Variants in DLG2 observed in about 807,000 individuals in gnomAD.
DLG2 encodes disks large homolog 2.
A neutral mutation model predicts 132.5 loss-of-function variants in DLG2; 45 were observed. That is an observed-to-expected ratio of 0.34 (90% CI 0.27 to 0.44). The LOEUF (loss-of-function observed/expected upper bound fraction) is 0.44. Ranked by LOEUF, DLG2 falls within the 20% of genes least tolerant of loss-of-function variation. The pLI is 1.00. For missense variants in DLG2, 1,045 were observed against 1,196.9 expected, an observed-to-expected ratio of 0.87 and a Z score of 1.87; for synonymous variants, 424 against 419.6, an observed-to-expected ratio of 1.01 and a Z score of -0.13.
intron 7 of DLG2, among the ~76,000 whole-genome samples, chr11:84,365,665 C>G (rs1256575908): frequency 6.6e-6 from 1 of 151,740 alleles, no homozygotes; most frequent in Non-Finnish European, 1.5e-5. Flanking sequence ...ATAAATTTCC[C>G]TCTACACACT....
At chr11:84,803,025 C>T (rs1386810529) in intron 6 of DLG2, among the ~76,000 whole-genome samples, 1 of 152,124 alleles carries the variant, frequency 6.6e-6, no homozygotes, top group Non-Finnish European at 1.5e-5. Context: ...GCCTCAATCT[C>T]CTGACCCTCG....
chr11:84,758,646 C>T (rs1180012589), intron 6 of DLG2, among the ~76,000 whole-genome samples: 3 of 152,004 alleles, frequency 2.0e-5, no homozygotes, highest in Non-Finnish European at 4.4e-5. Flanking sequence ...CCATAAATGA[C>T]CATAATATTG....
intron 3 of DLG2, among the ~76,000 whole-genome samples, chr11:85,393,451 G>T (rs1002079699): frequency 6.6e-6 from 1 of 152,032 alleles, no homozygotes; most frequent in Non-Finnish European, 1.5e-5. Context: ...ATTTGATTCA[G>T]CAATCCCACT....
intron 6 of DLG2, among the ~76,000 whole-genome samples, chr11:84,737,728 A>T (rs1313239825): frequency 1.3e-5 from 2 of 152,080 alleles, no homozygotes; most frequent in Non-Finnish European, 2.9e-5. Context: ...ATGGTGATAC[A>T]GACTAGAGAA....
intron 6 of DLG2, among the ~76,000 whole-genome samples, chr11:84,700,709 T>C (rs889144419): frequency 2.0e-5 from 3 of 151,718 alleles, no homozygotes; most frequent in Admixed American, 1.3e-4. Context: ...GTAGGAGTGT[T>C]GTCTGGATTT....
Position 85,020,999 on chromosome 11 carries a change from A to G in DLG2, c.357+90662T>C, listed in dbSNP as rs958198706. The G allele has an allele frequency of 1.4e-5, 11 of 776,740 alleles. No homozygotes were observed. In the African/African-American group the frequency reaches 1.9e-4, roughly 13 times the overall value. The allele number at this position is 776,740 out of a possible 1,614,324, so 48.1% of individuals were successfully genotyped here. On this transcript the variant is annotated intron_variant, in intron 6 of 27. Coordinates refer to ENST00000376104, the MANE Select transcript of DLG2 (RefSeq NM_001142699.3). Reference sequence around the variant, plus strand: ...TGCTGCTCTGCTCCTCTTCTGACTTATTATTCATATCTACTGCTTGTTTGT... The same window carrying G: ...TGCTGCTCTGCTCCTCTTCTGACTTGTTATTCATATCTACTGCTTGTTTGT...
chr11:83,589,941 C>T (rs1294671622), intron 19 of DLG2, among the ~76,000 whole-genome samples: 1 of 145,122 alleles, frequency 6.9e-6, no homozygotes, highest in Admixed American at 7.1e-5. Context: ...GAAGAGCTAA[C>T]TATCCTAAAT....
At chr11:83,920,615 A>G (rs546293839) in intron 15 of DLG2, among the ~76,000 whole-genome samples, 1 of 152,270 alleles carries the variant, frequency 6.6e-6, no homozygotes, top group South Asian at 2.1e-4. Context: ...CATCTCACAT[A>G]TACAAATATA....
chr11:83,496,833 T>C (rs577191673), intron 21 of DLG2, among the ~76,000 whole-genome samples: 4 of 152,310 alleles, frequency 2.6e-5, no homozygotes, highest in African/African-American at 9.6e-5. Context: ...CCCAAAACTG[T>C]ATTTCCAGCC....
intron 4 of DLG2, among the ~76,000 whole-genome samples, chr11:85,275,596 T>C (rs561904480): frequency 6.6e-6 from 1 of 152,260 alleles, no homozygotes; most frequent in South Asian, 2.1e-4. Flanking sequence ...GTGCTTTGAG[T>C]TGGATAATCA....
chr11:83,839,469 T>A (rs1478352871), intron 16 of DLG2, among the ~76,000 whole-genome samples: 1 of 152,172 alleles, frequency 6.6e-6, no homozygotes, highest in Admixed American at 6.5e-5. Flanking sequence ...TGTTAGAGGA[T>A]CAAAGCCCTT....
Position 84,600,236 on chromosome 11 carries a change from C to A in DLG2, c.358-65505G>T, listed in dbSNP as rs11234094. On this transcript the variant is annotated intron_variant, in intron 6 of 27. Coordinates refer to ENST00000376104, the MANE Select transcript of DLG2 (RefSeq NM_001142699.3). ...AGAAAGAAAGAAAGAGAAAGAAAGA[C>A]AGAAAAGCAAGCAAGCAAGCAGGCA... is the stretch of plus-strand genomic sequence containing the variant. Among the ~76,000 whole-genome samples, 436 of 131,826 alleles carry A rather than the reference C, an allele frequency of 3.3e-3. 5 individuals are homozygous for A. Among genetic ancestry groups the A allele is most frequent in the Middle Eastern group, 7.8e-3 (2 of 258 alleles). The allele number at this position is 131,826 out of a possible 152,430, so 86.5% of individuals were successfully genotyped here.
At chr11:84,243,216 A>G (rs1046852573) in intron 8 of DLG2, among the ~76,000 whole-genome samples, 1 of 152,172 alleles carries the variant, frequency 6.6e-6, no homozygotes, top group African/African-American at 2.4e-5. Flanking sequence ...CATTAGCCCT[A>G]CTGGCTACTA....
At chr11:83,915,708 G>T (rs1565623146) in intron 15 of DLG2, among the ~76,000 whole-genome samples, 1 of 152,036 alleles carries the variant, frequency 6.6e-6, no homozygotes. Context: ...TTTTAAGTAA[G>T]AATTTTAAGT....
chr11:84,365,035 T>G (rs906024665), intron 7 of DLG2, among the ~76,000 whole-genome samples: 4 of 152,104 alleles, frequency 2.6e-5, no homozygotes, highest in South Asian at 2.1e-4. Context: ...ATAAAATGAG[T>G]TAGGGAGGAT....
At chr11:84,414,985 T>G (rs1311583855) in intron 7 of DLG2, among the ~76,000 whole-genome samples, 1 of 152,180 alleles carries the variant, frequency 6.6e-6, no homozygotes, top group Admixed American at 6.6e-5. Context: ...ATCATTTATT[T>G]TATAAAAATG....
intron 3 of DLG2, among the ~76,000 whole-genome samples, chr11:85,552,007 T>C (rs1565675344): frequency 6.9e-6 from 1 of 145,094 alleles, no homozygotes; most frequent in Non-Finnish European, 1.5e-5. Context: ...ACAATTTTAA[T>C]GGTAAGCAGG....
At chr11:84,691,371 C>T (rs2058020613) in intron 6 of DLG2, among the ~76,000 whole-genome samples, 1 of 151,646 alleles carries the variant, frequency 6.6e-6, no homozygotes, top group Non-Finnish European at 1.5e-5. Context: ...ACAAGATATA[C>T]ATTATTTTAC....
At chr11:84,602,499 C>T (rs1297152390) in intron 6 of DLG2, among the ~76,000 whole-genome samples, 1 of 151,958 alleles carries the variant, frequency 6.6e-6, no homozygotes, top group Non-Finnish European at 1.5e-5. Context: ...AGTAGATTTC[C>T]ATTAAGCTTT....
Sources: allele counts gnomAD v4.1 joint callset (sites outside exome capture counted in the v4.1 genomes callset), GRCh38; gene constraint gnomAD v4.1.1; transcripts MANE v1.5; gene names NCBI Gene and HGNC (gene_info 2026-07-23, HGNC 2026-07-21).